ACAN: variants seen among roughly 807,000 people sequenced by gnomAD.
ACAN encodes aggrecan.
Under a neutral mutation model 169.1 loss-of-function variants are expected in ACAN, and 47 were observed. The ratio of observed to expected loss-of-function variants is 0.28; its 90% CI spans 0.22 to 0.35. The LOEUF (loss-of-function observed/expected upper bound fraction) is 0.35, where lower values mean the gene tolerates loss of function less well. ACAN is among the 10% of genes least tolerant of loss of function. The pLI is 1.00. For synonymous variants in ACAN, 1,115 were observed against 1,112.2 expected (o/e 1.00, Z -0.05); for missense variants, 2,716 against 2,759.9 (o/e 0.98, Z 0.36).
At position 88,871,475 on chromosome 15, in the gene ACAN, G is replaced by GGTGTC; in HGVS notation, c.7156_7160dup (p.Glu2388ValfsTer8). The stretch of plus-strand genomic sequence containing the variant: ...GAGACCTGGGTGGATGCTGAGCGCC[G>GGTGTC]GTGTCGGGAGCAGCAGTCACACCTG... On this transcript the variant is annotated frameshift_variant, in exon 15 of 19. Transcript: ENST00000560601. LOFTEE classifies it high-confidence loss of function. This position sits in a 1 kb window ranked among gnomAD's most constrained non-coding sequence, Gnocchi z 7.8. The GGTGTC allele has an allele frequency of 6.2e-7, 1 of 1,613,858 alleles. No individual in the cohort carries two copies. Among genetic ancestry groups the GGTGTC allele is most frequent in the Non-Finnish European group, 8.5e-7 (1 of 1,179,848 alleles).
chr15:88,845,445 C>T (rs1896767929), intron 6 of ACAN, 60 bp from the exon 7 acceptor site: 2 of 1,539,460 alleles, frequency 1.3e-6, no homozygotes, highest in East Asian at 2.3e-5. Flanking sequence ...GCCCACTCCT[C>T]ATCCCCCTCA....
chr15:88,871,233 T>G lies in ACAN; in HGVS notation c.7061-149T>G. On this transcript the variant is annotated intron_variant, in intron 14 of 18. Transcript: ENST00000560601. The surrounding 1 kb of genome is among the most constrained non-coding windows in gnomAD (Gnocchi z 7.8). ...CCAGGGACCAGACCAGTTTCCAACC[T>G]GAACTCCTCCAGCTGTGCCTCTCCC... 1 of 1,153,788 alleles carries G rather than the reference T, an allele frequency of 8.7e-7. No individual in the cohort carries two copies. Among genetic ancestry groups the G allele is most frequent in the East Asian group, 2.6e-5 (1 of 38,780 alleles). The allele number at this position is 1,153,788 out of a possible 1,614,324, so 71.5% of individuals were successfully genotyped here. A position where few individuals can be genotyped will look rare whatever the true frequency, so the allele number is the denominator to read the frequency against.
chr15:88,823,879 G>A (rs1896139512), intron 1 of ACAN, among the ~76,000 whole-genome samples: 1 of 152,148 alleles, frequency 6.6e-6, no homozygotes, highest in Non-Finnish European at 1.5e-5. Context: ...GAGTGAGAAT[G>A]GATATTTCCA....
At chr15:88,837,449 T>A (rs555116051) in intron 2 of ACAN, among the ~76,000 whole-genome samples, 11 of 152,354 alleles carry the variant, frequency 7.2e-5, no homozygotes, top group Non-Finnish European at 1.5e-4. Flanking sequence ...AACTTTTGCA[T>A]CTGTAGACAT....
At position 88,860,992 on chromosome 15, in the gene ACAN, G is replaced by A. The variant is rs1342049961; in HGVS notation, c.6946+553G>A. On this transcript the variant is annotated intron_variant, in intron 13 of 18. Transcript: ENST00000560601. ...GTAACCCAGCAGCACGTCTGCCCAG[G>A]CACCCACCATGAGCCTGTTTGTCCT... 4.6e-5 allele frequency among the ~76,000 whole-genome samples: 7 copies of A among 152,162 alleles called. No homozygotes were observed. In the South Asian group the frequency reaches 1.4e-3, roughly 32 times the overall value.
At chr15:88,820,036 G>A (rs546833289) in intron 1 of ACAN, among the ~76,000 whole-genome samples, 18 of 152,226 alleles carry the variant, frequency 1.2e-4, no homozygotes, top group African/African-American at 3.6e-4. Context: ...TTCTAAAATA[G>A]GACTAATCAC....
chr15:88,811,115 A>C (rs1359341553), intron 1 of ACAN, among the ~76,000 whole-genome samples: 1 of 152,174 alleles, frequency 6.6e-6, no homozygotes, highest in African/African-American at 2.4e-5. Context: ...CACGCCTTCC[A>C]AGGCCAGCAA....
At chr15:88,833,879 G>A (rs928316708) in intron 1 of ACAN, among the ~76,000 whole-genome samples, 1 of 151,996 alleles carries the variant, frequency 6.6e-6, no homozygotes, top group Non-Finnish European at 1.5e-5. Context: ...ACACAGCTCC[G>A]AAAACATACA....
chr15:88,844,112 C>T (rs1296968147), intron 6 of ACAN, among the ~76,000 whole-genome samples: 1 of 151,954 alleles, frequency 6.6e-6, no homozygotes, highest in Non-Finnish European at 1.5e-5. Context: ...AAAGGAGGGT[C>T]AAAATGGGTT....
At chr15:88,859,459 C>G (rs1235082498) in intron 12 of ACAN, 42 bp downstream of exon 12, 1 of 1,551,096 alleles carries the variant, frequency 6.4e-7, no homozygotes, top group African/African-American at 1.4e-5. Context: ...TTAGGTAGTT[C>G]AGACTGTAGC....
In ACAN at chr15:88,871,481, G is replaced by A. The variant is rs200921049; in HGVS notation, c.7160G>A (p.Arg2387Gln). ...TGGGTGGATGCTGAGCGCCGGTGTC[G>A]GGAGCAGCAGTCACACCTGAGCAGC... ...ETWVDAERRC[R>Q]EQQSHLSSIV... The change falls in exon 15 of 19, where the codon CGG (arginine) becomes CAG (glutamine). Residue 2387 changes from arginine (R) to glutamine (Q), a missense_variant. Arg to Gln is a conservative substitution (Grantham distance 43). This residue lies in a region of ACAN where 1,389 missense variants were observed against 1,363.7 expected (regional missense o/e 1.02). Transcript: ENST00000560601. The surrounding 1 kb of genome is among the most constrained non-coding windows in gnomAD (Gnocchi z 7.8). 1.4e-4 allele frequency: 230 copies of A among 1,613,804 alleles called. 1 individual carries two copies. The African/African-American group carries it at 2.3e-3, about 16-fold the overall frequency.
Position 88,839,290 on chromosome 15 carries a change from A to G in ACAN, c.454+244A>G, listed in dbSNP as rs1228221601. Among the ~76,000 whole-genome samples, 1 of 152,210 alleles carries G rather than the reference A, an allele frequency of 6.6e-6. No homozygotes were observed. Among genetic ancestry groups the G allele is most frequent in the Non-Finnish European group, 1.5e-5 (1 of 68,046 alleles). ...TAACTGACAGTTTGTGCTTCCCAAG[A>G]ATCCTGTGATCCGGTGGGTCTTGTG... On this transcript the variant is annotated intron_variant, in intron 3 of 18. Transcript: ENST00000560601. The surrounding 1 kb of genome is among the most constrained non-coding windows in gnomAD (Gnocchi z 4.5).
At position 88,843,240 on chromosome 15, in the gene ACAN, C is replaced by T; in HGVS notation, c.758-115C>T. ...GAGATGCAGACATATGGGACCAGGA[C>T]TTTGGGAAGTTAAAGGACTCCCAAG... is the stretch of plus-strand genomic sequence containing the variant. On this transcript the variant is annotated intron_variant, in intron 5 of 18. Coordinates refer to ENST00000560601, the MANE Select transcript of ACAN (RefSeq NM_001369268.1). The surrounding 1 kb of genome is among the most constrained non-coding windows in gnomAD (Gnocchi z 4.0). 1 of 977,172 alleles carries T rather than the reference C, an allele frequency of 1.0e-6. No individual in the cohort carries two copies. The highest frequency in any genetic ancestry group is 2.2e-5 in the South Asian group (1 of 46,042). 60.5% of individuals were successfully genotyped at this position (977,172 alleles called of 1,614,324 possible). A position where few individuals can be genotyped will look rare whatever the true frequency, so the allele number is the denominator to read the frequency against.
In ACAN at chr15:88,872,989, A is replaced by C. The variant is rs1897419477; in HGVS notation, c.7411A>C (p.Asn2471His). Reference protein sequence around the residue: ...EKGEWNDVPCNYHLPFTCKKG... With the variant: ...EKGEWNDVPCHYHLPFTCKKG... ...GGGCGAGTGGAATGATGTTCCCTGC[A>C]ATTACCACCTCCCCTTCACGTGTAA... The change falls in exon 17 of 19, where the codon AAT becomes CAT. Residue 2471 changes from asparagine (N) to histidine (H), a missense_variant. Transcript: ENST00000560601. This position sits in a 1 kb window ranked among gnomAD's most constrained non-coding sequence, Gnocchi z 5.4. 4 of 1,613,642 alleles carry C rather than the reference A, an allele frequency of 2.5e-6. No individual in the cohort carries two copies. The East Asian group carries it at 8.9e-5, about 36-fold the overall frequency.
intron 1 of ACAN, among the ~76,000 whole-genome samples, chr15:88,827,419 G>T (rs1896251214): frequency 6.6e-6 from 1 of 152,254 alleles, no homozygotes; most frequent in Non-Finnish European, 1.5e-5. Context: ...ATTAGATACA[G>T]ATGCAAATTG....
intron 1 of ACAN, among the ~76,000 whole-genome samples, chr15:88,823,835 C>G (rs1298690461): frequency 6.6e-6 from 1 of 152,180 alleles, no homozygotes; most frequent in Non-Finnish European, 1.5e-5. Flanking sequence ...CAGGCCCATC[C>G]TTCTCCACTC....
Position 88,847,763 on chromosome 15 carries a change from G to A in ACAN, c.1605-148G>A, listed in dbSNP as rs578055645. ...CCCCAGGCTGCTCAGAGAACTTGCT[G>A]CATAAGGGGCTTTTTCCTGGTTTGA... On this transcript the variant is annotated intron_variant, in intron 8 of 18. Transcript: ENST00000560601. The A allele has an allele frequency of 8.2e-5, 88 of 1,076,474 alleles. 1 individual carries two copies. The South Asian group carries it at 1.7e-3, about 21-fold the overall frequency. The allele number at this position is 1,076,474 out of a possible 1,614,324, so 66.7% of individuals were successfully genotyped here.
intron 5 of ACAN, among the ~76,000 whole-genome samples, chr15:88,842,714 ACAAATAGAACTGC>A (rs930830973): frequency 2.6e-4 from 40 of 152,370 alleles, no homozygotes; most frequent in African/African-American, 9.4e-4. Flanking sequence ...CTAACCAAAG[ACAAATAGAACTGC>A]CAGTTAGAGC....
chr15:88,840,416 A>G (rs1896623158), intron 4 of ACAN, among the ~76,000 whole-genome samples: 1 of 152,164 alleles, frequency 6.6e-6, no homozygotes, highest in Non-Finnish European at 1.5e-5. Context: ...ACTGCTAGCA[A>G]CCTTGCCCTA....
Sources: allele counts gnomAD v4.1 joint callset (sites outside exome capture counted in the v4.1 genomes callset), GRCh38; gene constraint gnomAD v4.1.1; regional missense constraint gnomAD v4.1.1; non-coding constraint Gnocchi (gnomAD v3.1); transcripts MANE v1.5; gene names NCBI Gene and HGNC (gene_info 2026-07-23, HGNC 2026-07-21).